Variants in NFIB observed in about 807,000 individuals in gnomAD.
NFIB encodes the protein nuclear factor I B.
Under a neutral mutation model 61.5 loss-of-function variants are expected in NFIB, and 11 were observed. The observed-to-expected ratio is 0.18, with a 90% CI of 0.11 to 0.30. The LOEUF is 0.30. NFIB is among the 10% of genes least tolerant of loss of function. NFIB has a pLI of 1.00. For synonymous variants in NFIB, 260 were observed against 216.5 expected (o/e 1.20, Z -1.76); for missense variants, 471 against 608.9 (o/e 0.77, Z 2.38).
At chr9:14,424,348 A>G in the NFIB span, among the ~76,000 whole-genome samples, 1 of 152,204 alleles carries the variant, frequency 6.6e-6, no homozygotes, top group Non-Finnish European at 1.5e-5. Flanking sequence ...AGATGTGAAA[A>G]AAGTGTTCGA....
At chr9:14,135,815 T>C (rs10756530) in intron 6 of NFIB, among the ~76,000 whole-genome samples, 79,423 of 151,950 alleles carry the variant, frequency 0.52, 23,705 homozygotes, top group African/African-American at 0.8. Context: ...CCTTTTCAAA[T>C]GAGAAAGTAT....
the NFIB span, among the ~76,000 whole-genome samples, chr9:14,505,258 G>A: frequency 6.6e-6 from 1 of 152,264 alleles, no homozygotes; most frequent in Admixed American, 6.5e-5. Flanking sequence ...TGGTCAGCTA[G>A]TATATTGTTG....
chr9:14,479,707 A>C, the NFIB span, among the ~76,000 whole-genome samples: 1 of 152,232 alleles, frequency 6.6e-6, no homozygotes, highest in African/African-American at 2.4e-5. Flanking sequence ...AAGGCTTCGC[A>C]TACCTTCCAA....
At chr9:14,312,170 G>C (rs1022655747) in intron 1 of NFIB, among the ~76,000 whole-genome samples, 2 of 152,202 alleles carry the variant, frequency 1.3e-5, no homozygotes, top group African/African-American at 4.8e-5. Context: ...CTACAGGACT[G>C]TATCCAATCA....
At chr9:14,112,063 C>A (rs949385347) in intron 10 of NFIB, among the ~76,000 whole-genome samples, 4 of 152,180 alleles carry the variant, frequency 2.6e-5, no homozygotes, top group African/African-American at 9.7e-5. Context: ...TATATATGCA[C>A]AGGCAACTTA....
In NFIB at chr9:14,231,102, C is replaced by T. The variant is rs1328760474; in HGVS notation, c.563-51322G>A. Among the ~76,000 whole-genome samples the T allele has an allele frequency of 8.5e-5, 10 of 117,720 alleles. No homozygotes were observed. In the Admixed American group the frequency reaches 1.0e-3, roughly 12 times the overall value. The allele number at this position is 117,720 out of a possible 152,430, so 77.2% of individuals were successfully genotyped here. A position where few individuals can be genotyped will look rare whatever the true frequency, so the allele number is the denominator to read the frequency against. On this transcript the variant is annotated intron_variant, in intron 2 of 10. Transcript: ENST00000380953. Reference sequence around the variant, plus strand: ...CAACAGGGATATCTGAGTCCTTGGCCTACAGTTTTTCCATGGGGAAAAAAA... The same window carrying T: ...CAACAGGGATATCTGAGTCCTTGGCTTACAGTTTTTCCATGGGGAAAAAAA...
At chr9:14,155,179 T>C (rs1047544146) in intron 4 of NFIB, among the ~76,000 whole-genome samples, 4 of 152,188 alleles carry the variant, frequency 2.6e-5, no homozygotes, top group Non-Finnish European at 4.4e-5. Flanking sequence ...TTGTACATGC[T>C]AGTAATAAGT....
chr9:14,273,783 A>G (rs1290095813), intron 2 of NFIB, among the ~76,000 whole-genome samples: 1 of 152,022 alleles, frequency 6.6e-6, no homozygotes, highest in Non-Finnish European at 1.5e-5. Flanking sequence ...TTCCTTCCCA[A>G]TGGTATGTGG....
chr9:14,407,459 T>C, the NFIB span, among the ~76,000 whole-genome samples: 3 of 152,148 alleles, frequency 2.0e-5, no homozygotes, highest in Non-Finnish European at 4.4e-5. Context: ...GAACTGGGCA[T>C]AGGTCTGAGG....
chr9:14,436,380 C>T, the NFIB span, among the ~76,000 whole-genome samples: 1 of 152,210 alleles, frequency 6.6e-6, no homozygotes, highest in African/African-American at 2.4e-5. Flanking sequence ...CCTCAAGACA[C>T]ACATGACTGG....
chr9:14,300,391 C>T (rs2132642673), intron 2 of NFIB, among the ~76,000 whole-genome samples: 1 of 152,288 alleles, frequency 6.6e-6, no homozygotes, highest in Non-Finnish European at 1.5e-5. Flanking sequence ...TAATCATTTG[C>T]TCCGCCATAG....
chr9:14,410,672 T>C, the NFIB span, among the ~76,000 whole-genome samples: 5 of 152,316 alleles, frequency 3.3e-5, no homozygotes, highest in East Asian at 9.7e-4. Context: ...TTGAGTCTTC[T>C]GATAGATGCT....
chr9:14,384,754 T>C (rs2061530007), intron 1 of NFIB, among the ~76,000 whole-genome samples: 1 of 152,220 alleles, frequency 6.6e-6, no homozygotes, highest in African/African-American at 2.4e-5. Context: ...CATGGCCTGG[T>C]ATCAAACCCT....
chr9:14,486,950 T>C, the NFIB span, among the ~76,000 whole-genome samples: 1 of 152,256 alleles, frequency 6.6e-6, no homozygotes, highest in African/African-American at 2.4e-5. Context: ...GATATCCCAA[T>C]CTGGATTGAT....
At chr9:14,520,081 T>C in the NFIB span, among the ~76,000 whole-genome samples, 11 of 151,814 alleles carry the variant, frequency 7.2e-5, no homozygotes, top group Admixed American at 7.2e-4. Context: ...TTCATTCACA[T>C]GAGGATATGT....
At chr9:14,289,148 A>G (rs935342202) in intron 2 of NFIB, among the ~76,000 whole-genome samples, 4 of 148,586 alleles carry the variant, frequency 2.7e-5, no homozygotes, top group Non-Finnish European at 5.9e-5. Context: ...ATACATATAT[A>G]TATATTTGGT....
chr9:14,167,080 TG>T (rs1165875155), intron 3 of NFIB, among the ~76,000 whole-genome samples: 1 of 46,168 alleles, frequency 2.2e-5, no homozygotes, highest in African/African-American at 9.1e-5. Context: ...TGTGTGTGTG[TG>T]TCGGGGGGGG....
intron 2 of NFIB, among the ~76,000 whole-genome samples, chr9:14,281,531 T>C (rs1032812206): frequency 6.6e-5 from 10 of 152,240 alleles, no homozygotes; most frequent in Admixed American, 5.9e-4. Context: ...GGCTGCACTA[T>C]ATCCACAGCA....
Position 14,151,957 on chromosome 9 carries a change from T to A in NFIB, c.686-1692A>T, listed in dbSNP as rs150226867. Among the ~76,000 whole-genome samples the A allele has an allele frequency of 5.8e-3, 879 of 152,198 alleles. 10 individuals carry two copies. Among genetic ancestry groups the A allele is most frequent in the African/African-American group, 0.02 (827 of 41,560 alleles). On this transcript the variant is annotated intron_variant, in intron 4 of 10. Transcript: ENST00000380953. ...ATTGCAGATTTTTATGGAAGTTTTC[T>A]TACCCCTCATTTTTAATGAATATTC...
Sources: allele counts gnomAD v4.1 joint callset (sites outside exome capture counted in the v4.1 genomes callset), GRCh38; gene constraint gnomAD v4.1.1; transcripts MANE v1.5; gene names NCBI Gene and HGNC (gene_info 2026-07-23, HGNC 2026-07-21).